SLC18A2: variants seen among roughly 807,000 people sequenced by gnomAD.
SLC18A2 encodes synaptic vesicular amine transporter.
Under a neutral mutation model 59.2 loss-of-function variants are expected in SLC18A2, and 33 were observed. The observed-to-expected ratio is 0.56, with a 90% CI of 0.42 to 0.75. The LOEUF is 0.75. SLC18A2 is among the 30% of genes least tolerant of loss of function. The probability of loss-of-function intolerance (pLI) is 0.00; values close to 1 mark genes in which losing one functional copy is unlikely to be tolerated. For missense variants in SLC18A2, 569 were observed against 668.6 expected, an observed-to-expected ratio of 0.85 and a Z score of 1.64; for synonymous variants, 228 against 253.5, an observed-to-expected ratio of 0.90 and a Z score of 0.95.
chr10:117,270,224 C>T, intron 14 of SLC18A2, 34 bp downstream of exon 14: 1 of 1,613,886 alleles, frequency 6.2e-7, no homozygotes, highest in South Asian at 1.1e-5. Flanking sequence ...GAACCTTTTA[C>T]CTCAATACGT....
chr10:117,245,655 A>G (rs1329879686), intron 3 of SLC18A2, among the ~76,000 whole-genome samples: 1 of 152,100 alleles, frequency 6.6e-6, no homozygotes, highest in Non-Finnish European at 1.5e-5. Flanking sequence ...TCAAGGTGGC[A>G]GCAGAGCATT....
At chr10:117,247,964 C>T (rs937554155) in intron 3 of SLC18A2, among the ~76,000 whole-genome samples, 17 of 152,158 alleles carry the variant, frequency 1.1e-4, no homozygotes, top group Middle Eastern at 3.4e-3. Context: ...AAATGTAGGC[C>T]GCCTGTTTAT....
chr10:117,246,963 A>G (rs1844116327), intron 3 of SLC18A2, among the ~76,000 whole-genome samples: 1 of 152,140 alleles, frequency 6.6e-6, no homozygotes, highest in African/African-American at 2.4e-5. Context: ...GAGCAAATAA[A>G]TTTTCATATT....
At chr10:117,258,273 A>G (rs1420085991) in intron 10 of SLC18A2, among the ~76,000 whole-genome samples, 1 of 152,262 alleles carries the variant, frequency 6.6e-6, no homozygotes, top group African/African-American at 2.4e-5. Flanking sequence ...AAAGTAATAC[A>G]TGCTTATTAT....
At chr10:117,255,739 G>C (rs1844222575) in intron 9 of SLC18A2, 82 bp downstream of exon 9, 1 of 1,290,920 alleles carries the variant, frequency 7.7e-7, no homozygotes, top group Non-Finnish European at 1.1e-6. Flanking sequence ...GGCCAGGGCT[G>C]ATTTTCGTTT....
intron 15 of SLC18A2, among the ~76,000 whole-genome samples, chr10:117,275,767 T>C (rs1200995210): frequency 6.6e-6 from 1 of 152,224 alleles, no homozygotes; most frequent in Non-Finnish European, 1.5e-5. Flanking sequence ...CAATCTGGTT[T>C]GAAAGCAGAG....
intron 15 of SLC18A2, among the ~76,000 whole-genome samples, chr10:117,273,053 C>T (rs889191880): frequency 6.6e-6 from 1 of 152,230 alleles, no homozygotes; most frequent in African/African-American, 2.4e-5. Context: ...ATCATTCTTC[C>T]ATTAGACAGC....
chr10:117,260,151 T>C (rs1378988420), intron 10 of SLC18A2, among the ~76,000 whole-genome samples: 2 of 152,226 alleles, frequency 1.3e-5, no homozygotes, highest in Non-Finnish European at 2.9e-5. Context: ...CCTCCCACCA[T>C]GTTCCTGTTT....
chr10:117,270,727 A>T (rs1336720537), intron 15 of SLC18A2, among the ~76,000 whole-genome samples: 1 of 152,210 alleles, frequency 6.6e-6, no homozygotes, highest in Non-Finnish European at 1.5e-5. Context: ...TCGACCAAGT[A>T]TAAACCTGGA....
In SLC18A2 at chr10:117,266,754, G is replaced by A; in HGVS notation, c.1013G>A (p.Ser338Asn). 2 of 1,613,888 alleles carry A rather than the reference G, an allele frequency of 1.2e-6. No individual in the cohort carries two copies. The highest frequency in any genetic ancestry group is 1.7e-6 in the Non-Finnish European group (2 of 1,179,908). ...WQLGVAFLPA[S>N]ISYLIGTNIF... ...ACAGGCGTTGCCTTCTTGCCAGCTA[G>A]TATCTCTTATCTCATTGGAACCAAT... is the stretch of plus-strand genomic sequence containing the variant. The change falls in exon 11 of 16, where the codon AGT becomes AAT. Residue 338 changes from serine to asparagine, a missense_variant. Physicochemically the swap from Ser to Asn is conservative, Grantham distance 46 (BLOSUM62 1). Transcript: ENST00000644641.
Position 117,255,494 on chromosome 10 carries a change from T to C in SLC18A2, c.806T>C (p.Val269Ala). The C allele has an allele frequency of 6.2e-7, 1 of 1,614,138 alleles. No homozygotes were observed. The change falls in exon 8 of 16, where the codon GTG becomes GCG. Residue 269 changes from valine (V) to alanine (A), a missense_variant. Around this residue, in one of 2 missense-constraint regions of SLC18A2, gnomAD observed 377 missense variants for 389.8 expected, o/e 0.97. Coordinates refer to ENST00000644641, the MANE Select transcript of SLC18A2 (RefSeq NM_003054.6). ...VLLDGAIQLF[V>A]LQPSRVQPES... ...TATTTTTTAGCTATTCAGCTCTTTG[T>C]GCTCCAGCCGTCCCGGGTGCAGCCA... is the stretch of plus-strand genomic sequence containing the variant.
intron 2 of SLC18A2, chr10:117,242,034 A>G (rs1250857907): frequency 1.3e-5 from 6 of 469,694 alleles, no homozygotes; most frequent in African/African-American, 8.2e-5. Flanking sequence ...AAAAACTGTG[A>G]CATCCGATAA....
chr10:117,244,449 C>T, intron 3 of SLC18A2, 136 bp downstream of exon 3: 1 of 727,112 alleles, frequency 1.4e-6, no homozygotes, highest in Middle Eastern at 2.5e-4. Flanking sequence ...AAACCCAGTC[C>T]CCTTCCCCTA....
At chr10:117,253,376 T>C (rs755344176) in intron 3 of SLC18A2, 23 bp from the exon 4 acceptor site, 4 of 1,593,804 alleles carry the variant, frequency 2.5e-6, no homozygotes, top group Non-Finnish European at 3.4e-6. Flanking sequence ...TCACCAGATT[T>C]GTCTGATGTT....
At chr10:117,274,562 T>G (rs1215433535) in intron 15 of SLC18A2, among the ~76,000 whole-genome samples, 1 of 152,180 alleles carries the variant, frequency 6.6e-6, no homozygotes, top group Non-Finnish European at 1.5e-5. Flanking sequence ...CGAGGCCCCA[T>G]GCCCTGCATT....
rs760300336 is a variant in SLC18A2, at chr10:117,255,653, T to C, written c.891T>C (p.Ala297=). The change falls in exon 9 of 16, where the codon GCT becomes GCC. Residue 297 remains alanine, a synonymous_variant. Coordinates refer to ENST00000644641, the MANE Select transcript of SLC18A2 (RefSeq NM_003054.6). ...TGAAGGACCCGTACATCCTCATTGC[T>C]GCAGGTGGGGCTCTGTGGGTCTTCT... The part of the protein sequence containing the change: ...TLLKDPYILI[A]AGSICFANMG... 5 of 1,613,170 alleles carry C rather than the reference T, an allele frequency of 3.1e-6. No homozygotes were observed. The African/African-American group carries it at 6.7e-5, about 22-fold the overall frequency.
intron 3 of SLC18A2, among the ~76,000 whole-genome samples, chr10:117,248,262 G>A (rs1844129894): frequency 6.6e-6 from 1 of 152,086 alleles, no homozygotes; most frequent in Admixed American, 6.6e-5. Flanking sequence ...ACCATGCCCG[G>A]CCCTGTCTGT....
intron 2 of SLC18A2, 66 bp from the exon 3 acceptor site, chr10:117,243,905 G>T: frequency 5.2e-6 from 7 of 1,334,670 alleles, no homozygotes; most frequent in Admixed American, 4.6e-5. Context: ...ATAGTTTTTT[G>T]CTGGCTTTTT....
rs1012447630 is a variant in SLC18A2 at position 117,269,135 on chromosome 10, ACACC to A, written c.1187-928_1187-925del. 4.1e-5 allele frequency among the ~76,000 whole-genome samples: 6 copies of A among 144,922 alleles called. No individual in the cohort carries two copies. The East Asian group carries it at 6.1e-4, about 15-fold the overall frequency. ...CACGTAGATACACATACACATACAA[ACACC>A]CACCCACATACATATGCACACATAC... On this transcript the variant is annotated intron_variant, in intron 13 of 15. Transcript: ENST00000644641. The surrounding 1 kb of genome is among the most constrained non-coding windows in gnomAD (Gnocchi z 5.1).
Sources: allele counts gnomAD v4.1 joint callset (sites outside exome capture counted in the v4.1 genomes callset), GRCh38; gene constraint gnomAD v4.1.1; regional missense constraint gnomAD v4.1.1; non-coding constraint Gnocchi (gnomAD v3.1); transcripts MANE v1.5; gene names NCBI Gene and HGNC (gene_info 2026-07-23, HGNC 2026-07-21).